The following B3GALT1 variants were observed in gnomAD, a reference collection of about 807,000 sequenced individuals.
The protein encoded by B3GALT1 is UDP-Gal:betaGlcNAc beta 1,3-galactosyltransferase, polypeptide 1.
A neutral mutation model predicts 23.2 loss-of-function variants in B3GALT1; 10 were observed. That is an observed-to-expected ratio of 0.43 (90% CI 0.27 to 0.73). The LOEUF is 0.73. Ranked by LOEUF, B3GALT1 falls within the 30% of genes least tolerant of loss-of-function variation. The pLI is 0.21. For missense variants in B3GALT1, 299 were observed against 405.4 expected, an observed-to-expected ratio of 0.74 and a Z score of 2.25; for synonymous variants, 156 against 141.5, an observed-to-expected ratio of 1.10 and a Z score of -0.73.
rs551850418 is a variant in B3GALT1, at chr2:167,425,979, A to G, written c.-510-64198A>G. 2.6e-5 allele frequency among the ~76,000 whole-genome samples: 4 copies of G among 152,174 alleles called. No homozygotes were observed. The East Asian group carries it at 5.8e-4, about 22-fold the overall frequency. Reference sequence around the variant, plus strand: ...GCACCTTTTTTTCATTCCCTCAGCAATTTTTCAAGCTAAGGCATGTAACCT... The same window carrying G: ...GCACCTTTTTTTCATTCCCTCAGCAGTTTTTCAAGCTAAGGCATGTAACCT... On this transcript the variant is annotated intron_variant, in intron 1 of 4. Coordinates refer to ENST00000392690, the MANE Select transcript of B3GALT1 (RefSeq NM_020981.4).
At chr2:167,616,725 A>G (rs1251128099) in intron 2 of B3GALT1, among the ~76,000 whole-genome samples, 2 of 151,570 alleles carry the variant, frequency 1.3e-5, no homozygotes, top group Non-Finnish European at 2.9e-5. Flanking sequence ...AATAACAAGA[A>G]TATATACTGA....
intron 1 of B3GALT1, among the ~76,000 whole-genome samples, chr2:167,416,104 AT>A: frequency 6.6e-6 from 1 of 152,332 alleles, no homozygotes; most frequent in East Asian, 1.9e-4. Context: ...TTTTGCTAAG[AT>A]TAGTAGAGAG....
intron 1 of B3GALT1, among the ~76,000 whole-genome samples, chr2:167,321,706 G>T (rs867135965): frequency 6.6e-6 from 1 of 151,642 alleles, no homozygotes; most frequent in Non-Finnish European, 1.5e-5. Context: ...GCTTCCCCAC[G>T]TGCATTTAAA....
intron 2 of B3GALT1, among the ~76,000 whole-genome samples, chr2:167,512,578 ATGTATATATATATG>A (rs1558887735): frequency 8.7e-5 from 8 of 92,374 alleles, no homozygotes; most frequent in African/African-American, 1.9e-4. Context: ...GTATATATAT[ATGTATATATATATG>A]TGTATATATA....
chr2:167,602,135 A>G (rs1460141680), intron 2 of B3GALT1, among the ~76,000 whole-genome samples: 2 of 152,186 alleles, frequency 1.3e-5, no homozygotes, highest in African/African-American at 4.8e-5. Flanking sequence ...ATATTTTTTA[A>G]ATTCCAGACT....
intron 1 of B3GALT1, among the ~76,000 whole-genome samples, chr2:167,440,558 A>T (rs1045144856): frequency 6.6e-6 from 1 of 152,028 alleles, no homozygotes; most frequent in Admixed American, 6.6e-5. Context: ...GTCTGATGCA[A>T]GTATGATTCA....
chr2:167,571,347 C>T (rs1166542974), intron 2 of B3GALT1, among the ~76,000 whole-genome samples: 1 of 151,878 alleles, frequency 6.6e-6, no homozygotes, highest in African/African-American at 2.4e-5. Flanking sequence ...ATTCCTAGTT[C>T]ACCTAGAAAA....
At chr2:167,549,338 T>G (rs1683704777) in intron 2 of B3GALT1, among the ~76,000 whole-genome samples, 1 of 152,250 alleles carries the variant, frequency 6.6e-6, no homozygotes, top group South Asian at 2.1e-4. Context: ...TTGGAAGAGA[T>G]AGAGCAGAAC....
intron 3 of B3GALT1, among the ~76,000 whole-genome samples, chr2:167,665,197 C>T (rs1472937709): frequency 6.7e-6 from 1 of 148,914 alleles, no homozygotes; most frequent in Non-Finnish European, 1.5e-5. Flanking sequence ...TGTCAAAGGC[C>T]TTTTCTGCAT....
At chr2:167,685,185 T>A (rs1174020229) in intron 3 of B3GALT1, among the ~76,000 whole-genome samples, 2 of 152,226 alleles carry the variant, frequency 1.3e-5, no homozygotes, top group Non-Finnish European at 2.9e-5. Flanking sequence ...CCTGAAAGTC[T>A]GTCAGTCTGC....
intron 3 of B3GALT1, among the ~76,000 whole-genome samples, chr2:167,741,731 C>T (rs1386831458): frequency 6.6e-6 from 1 of 152,016 alleles, no homozygotes; most frequent in East Asian, 1.9e-4. Context: ...TTGAAGTTCA[C>T]CTTTAGGGAG....
chr2:167,323,841 A>G (rs1293198719), intron 1 of B3GALT1, among the ~76,000 whole-genome samples: 3 of 151,224 alleles, frequency 2.0e-5, no homozygotes, highest in African/African-American at 7.3e-5. Flanking sequence ...AGAAATTCTT[A>G]TTTTTTTTTC....
intron 1 of B3GALT1, among the ~76,000 whole-genome samples, chr2:167,366,384 C>T (rs944810229): frequency 6.6e-6 from 1 of 152,060 alleles, no homozygotes; most frequent in Non-Finnish European, 1.5e-5. Flanking sequence ...GTTTTGAAAG[C>T]ACAGTAATGT....
intron 3 of B3GALT1, among the ~76,000 whole-genome samples, chr2:167,772,794 A>G (rs1166929199): frequency 6.6e-6 from 1 of 152,246 alleles, no homozygotes; most frequent in Admixed American, 6.5e-5. Flanking sequence ...TCATATAAAC[A>G]TATCCAGTGT....
chr2:167,833,431 CAGTG>C (rs1436484641), intron 4 of B3GALT1, among the ~76,000 whole-genome samples: 4 of 152,184 alleles, frequency 2.6e-5, no homozygotes. Flanking sequence ...GCAGGTCATA[CAGTG>C]GGTATCTCAG....
intron 3 of B3GALT1, among the ~76,000 whole-genome samples, chr2:167,783,171 A>C (rs2105321554): frequency 6.6e-6 from 1 of 152,314 alleles, no homozygotes; most frequent in African/African-American, 2.4e-5. Flanking sequence ...AGAAAAACAA[A>C]AGTGATTAGA....
chr2:167,532,651 T>C (rs1046208326), intron 2 of B3GALT1, among the ~76,000 whole-genome samples: 5 of 152,126 alleles, frequency 3.3e-5, no homozygotes, highest in African/African-American at 1.2e-4. Context: ...ATATATGTTA[T>C]GCTTATGTAT....
chr2:167,813,419 T>C (rs562904299), intron 3 of B3GALT1, among the ~76,000 whole-genome samples: 5 of 152,364 alleles, frequency 3.3e-5, no homozygotes, highest in African/African-American at 7.2e-5. Flanking sequence ...TGAGTCACTT[T>C]TTAATCGCTA....
chr2:167,405,909 A>G (rs1253379015), intron 1 of B3GALT1, among the ~76,000 whole-genome samples: 7 of 152,186 alleles, frequency 4.6e-5, no homozygotes, highest in Admixed American at 6.5e-5. Context: ...AACAAATACT[A>G]TTGAATAAAT....
Sources: allele counts gnomAD v4.1 joint callset (sites outside exome capture counted in the v4.1 genomes callset), GRCh38; gene constraint gnomAD v4.1.1; transcripts MANE v1.5; gene names NCBI Gene and HGNC (gene_info 2026-07-23, HGNC 2026-07-21).